The following ELOVL6 variants were observed in gnomAD, a reference collection of about 807,000 sequenced individuals.
The protein encoded by ELOVL6 is very long chain fatty acid elongase 6.
ELOVL6 carries 8 observed loss-of-function variants against 31.7 expected under a neutral mutation model. The ratio of observed to expected loss-of-function variants is 0.25; its 90% confidence interval spans 0.15 to 0.45. The LOEUF is 0.45. Among genes scored for constraint, ELOVL6 ranks in the 20% least tolerant of loss-of-function variants. The pLI is 1.00. For synonymous variants in ELOVL6, 101 were observed against 117.7 expected (o/e 0.86, Z 0.92); for missense variants, 126 against 326.4 (o/e 0.39, Z 4.73).
intron 2 of ELOVL6, among the ~76,000 whole-genome samples, chr4:110,071,053 G>T (rs1311374198): frequency 3.3e-5 from 5 of 152,080 alleles, no homozygotes; most frequent in Admixed American, 6.5e-5. Flanking sequence ...AGGGAAAAAA[G>T]TCATTTTGAC....
At chr4:110,084,075 G>GATATATATGATATATATGATATATAA in intron 2 of ELOVL6, among the ~76,000 whole-genome samples, 1 of 54,856 alleles carries the variant, frequency 1.8e-5, no homozygotes, top group Non-Finnish European at 3.2e-5. Context: ...ACATATATAT[G>GATATATATGATATATATGATATATAA]CTATATATGA....
At chr4:110,096,339 T>C (rs1756580079) in intron 2 of ELOVL6, among the ~76,000 whole-genome samples, 1 of 152,232 alleles carries the variant, frequency 6.6e-6, no homozygotes, top group Non-Finnish European at 1.5e-5. Flanking sequence ...CAATTTCTTA[T>C]TTTTATTATA....
chr4:110,095,018 TC>T (rs1314638396), intron 2 of ELOVL6, among the ~76,000 whole-genome samples: 7 of 152,194 alleles, frequency 4.6e-5, no homozygotes, highest in Admixed American at 1.3e-4. Context: ...CAATATATAG[TC>T]TGGTTAAATG....
At chr4:110,112,728 G>A (rs1455351062) in intron 1 of ELOVL6, among the ~76,000 whole-genome samples, 1 of 151,800 alleles carries the variant, frequency 6.6e-6, no homozygotes, top group Admixed American at 6.6e-5. Flanking sequence ...CAAAAACTTA[G>A]CTGGGTGTGG....
intron 1 of ELOVL6, among the ~76,000 whole-genome samples, chr4:110,126,544 T>C (rs149624950): frequency 4.4e-4 from 67 of 152,334 alleles, no homozygotes; most frequent in Middle Eastern, 6.8e-3. Flanking sequence ...TCTGGTGTTA[T>C]GTAACAAATT....
chr4:110,066,331 G>A (rs1214167571), intron 2 of ELOVL6, among the ~76,000 whole-genome samples: 1 of 152,072 alleles, frequency 6.6e-6, no homozygotes, highest in Non-Finnish European at 1.5e-5. Flanking sequence ...TACAGTGCCT[G>A]TGATGCAGAA....
chr4:110,066,577 TG>T (rs1755308534), intron 2 of ELOVL6, among the ~76,000 whole-genome samples: 1 of 135,648 alleles, frequency 7.4e-6, no homozygotes, highest in African/African-American at 2.8e-5. Context: ...AGGGGGAGCC[TG>T]CAGTAAGCCG....
chr4:110,084,588 ATTTTT>A (rs1168880044), intron 2 of ELOVL6, among the ~76,000 whole-genome samples: 13 of 29,646 alleles, frequency 4.4e-4, no homozygotes, highest in African/African-American at 1.5e-3. Context: ...ATATATATAT[ATTTTT>A]TTTTTTTTTT....
In ELOVL6 at chr4:110,189,095, T is replaced by C. The variant is rs116775409; in HGVS notation, c.89+9152A>G. On this transcript the variant is annotated intron_variant, in intron 1 of 3. Transcript: ENST00000302274. ...CAGTTCAAAACCAGCCTGGGCAACA[T>C]AGCAAGACCCCCATCTCTCCAATAC... Among the ~76,000 whole-genome samples, 241 of 150,746 alleles carry C rather than the reference T, an allele frequency of 1.6e-3. 1 individual carries two copies. Among genetic ancestry groups the C allele is most frequent in the African/African-American group, 5.6e-3 (228 of 40,810 alleles).
At chr4:110,144,716 A>G (rs1318081038) in intron 1 of ELOVL6, among the ~76,000 whole-genome samples, 1 of 152,176 alleles carries the variant, frequency 6.6e-6, no homozygotes, top group Non-Finnish European at 1.5e-5. Context: ...GACCATCACC[A>G]ATAAAAATAC....
At chr4:110,134,030 C>A (rs1046431278) in intron 1 of ELOVL6, among the ~76,000 whole-genome samples, 1 of 152,114 alleles carries the variant, frequency 6.6e-6, no homozygotes, top group Non-Finnish European at 1.5e-5. Flanking sequence ...TAAGGCTTAC[C>A]GGCATTAAAA....
In ELOVL6 at chr4:110,051,482, G is replaced by A. The variant is rs140803213; in HGVS notation, c.654C>T (p.Cys218=). Residue 218 remains cysteine (C), a synonymous_variant, in exon 4 of 4, where the codon TGC becomes TGT. Transcript: ENST00000302274. The surrounding 1 kb of genome is among the most constrained non-coding windows in gnomAD (Gnocchi z 4.8). Reference sequence around the variant, plus strand: ...AGTGACACTGGTCATGCTGCATCCAGCAGAAGACCAGGTAGTTAACCACAC... The same window carrying A: ...AGTGACACTGGTCATGCTGCATCCAACAGAAGACCAGGTAGTTAACCACAC... ...MGCVVNYLVF[C]WMQHDQCHSH... 6.9e-5 allele frequency: 112 copies of A among 1,614,116 alleles called. No individual in the cohort carries two copies. Among genetic ancestry groups the A allele is most frequent in the Non-Finnish European group, 8.6e-5 (102 of 1,180,038 alleles).
rs576850568 is a variant in ELOVL6, at chr4:110,198,584, G to C, written c.-249C>G. On this transcript the variant is annotated 5_prime_UTR_variant, in exon 1 of 4. Transcript: ENST00000302274. ...CCTCCTCCCGGCGTCCGCATCCACC[G>C]TAGGAGGAAATGAATGCCTTGCGGT... 5.5e-5 allele frequency: 25 copies of C among 455,302 alleles called. 1 individual carries two copies. Among genetic ancestry groups the C allele is most frequent in the African/African-American group, 4.4e-4 (22 of 49,478 alleles). The allele number at this position is 455,302 out of a possible 1,614,324, so 28.2% of individuals were successfully genotyped here. A position where few individuals can be genotyped will look rare whatever the true frequency, so the allele number is the denominator to read the frequency against.
chr4:110,117,153 C>T (rs1757191505), intron 1 of ELOVL6, among the ~76,000 whole-genome samples: 1 of 152,164 alleles, frequency 6.6e-6, no homozygotes, highest in South Asian at 2.1e-4. Flanking sequence ...CAGTTGGCTA[C>T]TGGCAGGTGG....
intron 1 of ELOVL6, among the ~76,000 whole-genome samples, chr4:110,161,660 G>A (rs191253029): frequency 6.6e-6 from 1 of 152,282 alleles, no homozygotes; most frequent in East Asian, 1.9e-4. Flanking sequence ...TCCTAAGAAC[G>A]AGAAGGCTTC....
intron 2 of ELOVL6, among the ~76,000 whole-genome samples, chr4:110,099,079 T>G (rs1338735204): frequency 6.6e-6 from 1 of 152,178 alleles, no homozygotes; most frequent in African/African-American, 2.4e-5. Flanking sequence ...GGTTAAGAAC[T>G]GTCATGTTTT....
intron 2 of ELOVL6, chr4:110,092,977 C>T (rs1041952606): frequency 3.4e-5 from 10 of 293,104 alleles, no homozygotes; most frequent in African/African-American, 2.2e-5. Context: ...AAGTATATTA[C>T]ATCCTAAACT....
intron 1 of ELOVL6, among the ~76,000 whole-genome samples, chr4:110,110,551 G>A (rs1578487630): frequency 1.3e-5 from 2 of 151,882 alleles, no homozygotes; most frequent in East Asian, 3.9e-4. Flanking sequence ...GGCACTACAG[G>A]TGCGCCTGAT....
chr4:110,059,841 C>A (rs1380650998), intron 2 of ELOVL6, 87 bp from the exon 3 acceptor site: 21 of 1,220,086 alleles, frequency 1.7e-5, no homozygotes, highest in Non-Finnish European at 2.4e-5. Flanking sequence ...TGGTTGGCCA[C>A]TGGCAGGAAA....
Sources: gnomAD v4.1 joint callset for allele counts (sites outside exome capture counted in the v4.1 genomes callset) on GRCh38, gnomAD v4.1.1 for gene constraint, Gnocchi (gnomAD v3.1) non-coding constraint, MANE v1.5 for transcripts, NCBI Gene and HGNC (gene_info 2026-07-23, HGNC 2026-07-21) for gene names.